DMXL1: variants seen among roughly 807,000 people sequenced by gnomAD.
The protein encoded by DMXL1 is Dmx like 1, also known as dmX-like protein 1.
DMXL1 carries 99 observed loss-of-function variants against 319.2 expected under a neutral mutation model. That is an observed-to-expected ratio of 0.31 (90% CI 0.26 to 0.37). The LOEUF is 0.37. Ranked by LOEUF, DMXL1 falls within the 10% of genes least tolerant of loss-of-function variation. The pLI is 1.00. For missense variants in DMXL1, 3,745 were observed against 3,595.6 expected, an observed-to-expected ratio of 1.04 and a Z score of -1.06; for synonymous variants, 1,385 against 1,235.2, an observed-to-expected ratio of 1.12 and a Z score of -2.54.
At chr5:119,120,008 G>A (rs2149936117) in intron 8 of DMXL1, among the ~76,000 whole-genome samples, 1 of 152,064 alleles carries the variant, frequency 6.6e-6, no homozygotes, top group South Asian at 2.1e-4. Flanking sequence ...AGCCTCCCGA[G>A]TAGCTGGGAT....
At chr5:119,212,966 A>G (rs560071097) in intron 34 of DMXL1, among the ~76,000 whole-genome samples, 3 of 152,116 alleles carry the variant, frequency 2.0e-5, no homozygotes, top group East Asian at 1.9e-4. Context: ...AAAATTCCCA[A>G]ACCTTCTTAA....
At chr5:119,088,702 T>C (rs534914192) in intron 1 of DMXL1, among the ~76,000 whole-genome samples, 6 of 152,322 alleles carry the variant, frequency 3.9e-5, no homozygotes, top group African/African-American at 1.4e-4. Context: ...AAACATCTTA[T>C]TGAAGTGCGT....
At chr5:119,131,948 G>T (rs142639240) in intron 10 of DMXL1, among the ~76,000 whole-genome samples, 5 of 152,226 alleles carry the variant, frequency 3.3e-5, no homozygotes, top group Admixed American at 1.3e-4. Flanking sequence ...CACACTCAAG[G>T]CAAAGAGATA....
chr5:119,132,674 C>CAAAA (rs372333927), intron 10 of DMXL1: 10 of 331,966 alleles, frequency 3.0e-5, no homozygotes, highest in East Asian at 2.5e-4. Context: ...GACTCCGTCT[C>CAAAA]AAAAAAAAAA....
At chr5:119,178,559 C>G (rs1327735352) in intron 28 of DMXL1, 18 of 959,734 alleles carry the variant, frequency 1.9e-5, no homozygotes, top group Non-Finnish European at 2.1e-5. Flanking sequence ...CGGATTCTTT[C>G]TTCTTTCTTT....
At position 119,216,901 on chromosome 5, in the gene DMXL1, A is replaced by C; in HGVS notation, c.7927A>C (p.Ile2643Leu). Residue 2643 changes from isoleucine (I) to leucine (L), a missense_variant and splice_region_variant, in exon 35 of 44, where the codon ATA becomes CTA. Transcript: ENST00000539542. The stretch of plus-strand genomic sequence containing the variant: ...TTGTGTTTTGTTTCCTTTTATTTAG[A>C]TAGAAGCAGATTTGGGATATCCTGG... Reference protein sequence around the residue: ...SMMEEPNINKIEADLGYPGGK... With the variant: ...SMMEEPNINKLEADLGYPGGK... 3 of 1,576,236 alleles carry C rather than the reference A, an allele frequency of 1.9e-6. No individual in the cohort carries two copies. The highest frequency in any genetic ancestry group is 2.6e-6 in the Non-Finnish European group (3 of 1,153,168).
chr5:119,166,834 C>G, intron 22 of DMXL1, 53 bp downstream of exon 22: 2 of 1,406,966 alleles, frequency 1.4e-6, no homozygotes, highest in Non-Finnish European at 1.9e-6. Context: ...TTTTAAAGCT[C>G]CTTAGTGCTT....
intron 39 of DMXL1, among the ~76,000 whole-genome samples, chr5:119,236,074 ATAG>A (rs1287484152): frequency 6.6e-6 from 1 of 152,108 alleles, no homozygotes; most frequent in Non-Finnish European, 1.5e-5. Flanking sequence ...TAAAAGACAA[ATAG>A]TAGAGAAATA....
At chr5:119,151,666 TTTTAA>T (rs1303855881) in intron 18 of DMXL1, among the ~76,000 whole-genome samples, 1 of 152,150 alleles carries the variant, frequency 6.6e-6, no homozygotes, top group Non-Finnish European at 1.5e-5. Context: ...ATCAGTCACA[TTTTAA>T]TTTAAATAAG....
At chr5:119,134,746 T>A (rs955854150) in intron 13 of DMXL1, among the ~76,000 whole-genome samples, 18 of 152,232 alleles carry the variant, frequency 1.2e-4, no homozygotes, top group African/African-American at 4.3e-4. Context: ...ATTTTAATCT[T>A]AAACATGAAA....
chr5:119,172,882 A>G lies in DMXL1; in HGVS notation c.6681+913A>G, dbSNP rs1376949370. ...TTAATCCTTGTAATTAAATTTCACT[A>G]CTTATTTTTCTGTACTGCTCTGTAG... On this transcript the variant is annotated intron_variant, in intron 25 of 43. Coordinates refer to ENST00000539542, the MANE Select transcript of DMXL1 (RefSeq NM_001290321.3). 2.6e-5 allele frequency among the ~76,000 whole-genome samples: 4 copies of G among 151,884 alleles called. No homozygotes were observed. In the East Asian group the frequency reaches 5.8e-4, roughly 22 times the overall value.
intron 19 of DMXL1, chr5:119,154,601 A>G (rs552664218): frequency 6.3e-6 from 1 of 158,508 alleles, no homozygotes; most frequent in Admixed American, 6.5e-5. Flanking sequence ...GGTTTAAGGA[A>G]AGGAGCTTTC....
Position 119,144,556 on chromosome 5 carries a change from G to C in DMXL1, c.2487G>C (p.Leu829=), listed in dbSNP as rs571294099. 4 of 1,602,522 alleles carry C rather than the reference G, an allele frequency of 2.5e-6. No individual in the cohort carries two copies. In the Admixed American group the frequency reaches 5.3e-5, roughly 21 times the overall value. ...TTCAGCATGGCAGAAAAACCCAACT[G>C]CTTCATGTTTTTGAAGAAGACTTCA... ...ITKLHGRKTQ[L]LHVFEEDFIL... The change falls in exon 15 of 44, where the codon CTG becomes CTC. Residue 829 remains leucine, a synonymous_variant. Coordinates refer to ENST00000539542, the MANE Select transcript of DMXL1 (RefSeq NM_001290321.3).
chr5:119,187,413 T>C (rs564405516), intron 28 of DMXL1, among the ~76,000 whole-genome samples: 27 of 152,302 alleles, frequency 1.8e-4, no homozygotes, highest in African/African-American at 6.3e-4. Context: ...ATAGTTTTTA[T>C]CGGTGCCCCT....
rs1198765105 is a variant in DMXL1, at chr5:119,119,023, T to C, written c.933+19T>C. ...TTTAGAAGTGAGTGTTTTTGTTACA[T>C]TACTTACTACAAGTTTTAAAACCTT... On this transcript the variant is annotated intron_variant, in intron 8 of 43. Transcript: ENST00000539542. 1 of 1,567,410 alleles carries C rather than the reference T, an allele frequency of 6.4e-7. No individual in the cohort carries two copies. Among genetic ancestry groups the C allele is most frequent in the South Asian group, 1.2e-5 (1 of 85,002 alleles).
In DMXL1 at chr5:119,239,035, G is replaced by A; in HGVS notation, c.8606G>A (p.Ser2869Asn). The A allele has an allele frequency of 1.9e-6, 3 of 1,613,844 alleles. No individual in the cohort carries two copies. Among genetic ancestry groups the A allele is most frequent in the Non-Finnish European group, 2.5e-6 (3 of 1,179,924 alleles). The change falls in exon 41 of 44, where the codon AGT becomes AAT. Residue 2869 changes from serine to asparagine, a missense_variant. By Grantham distance (46) the Ser-to-Asn change is conservative (BLOSUM62 1). Coordinates refer to ENST00000539542, the MANE Select transcript of DMXL1 (RefSeq NM_001290321.3). ...ACAGCCAATGATTTTGTCTTCGTTA[G>A]TTCCTCCTCTCTGATAGCTACAGCT... ...NKTANDFVFVSSSSLIATAGL... is the reference protein window; with the variant it reads ...NKTANDFVFVNSSSLIATAGL...
At chr5:119,123,175 C>T (rs553896337) in intron 9 of DMXL1, among the ~76,000 whole-genome samples, 22 of 152,018 alleles carry the variant, frequency 1.4e-4, no homozygotes, top group African/African-American at 4.8e-4. Context: ...TAGCGGCGCG[C>T]GCCTGCAATC....
intron 30 of DMXL1, 47 bp downstream of exon 30, chr5:119,194,017 TATA>T: frequency 3.8e-6 from 5 of 1,300,254 alleles, no homozygotes; most frequent in Non-Finnish European, 5.1e-6. Flanking sequence ...TAATGGTGTA[TATA>T]AATAATATTT....
chr5:119,147,800 G>A (rs1768916535), intron 17 of DMXL1, among the ~76,000 whole-genome samples: 1 of 152,146 alleles, frequency 6.6e-6, no homozygotes, highest in Non-Finnish European at 1.5e-5. Flanking sequence ...TAGCTGCCTG[G>A]AGCCATGATT....
Sources: gnomAD v4.1 joint callset for allele counts (sites outside exome capture counted in the v4.1 genomes callset) on GRCh38, gnomAD v4.1.1 for gene constraint, MANE v1.5 for transcripts, NCBI Gene and HGNC (gene_info 2026-07-23, HGNC 2026-07-21) for gene names.